The following ARHGAP31 variants were observed in gnomAD, a reference collection of about 807,000 sequenced individuals.
ARHGAP31 encodes the protein rho GTPase-activating protein 31.
ARHGAP31 carries 34 observed loss-of-function variants against 113.9 expected under a neutral mutation model. The ratio of observed to expected loss-of-function variants is 0.30; its 90% confidence interval spans 0.23 to 0.40. The LOEUF (loss-of-function observed/expected upper bound fraction) is 0.40, where lower values mean the gene tolerates loss of function less well. Ranked by LOEUF, ARHGAP31 falls within the 10% of genes least tolerant of loss-of-function variation. The pLI is 1.00. For synonymous variants in ARHGAP31, 650 were observed against 684.8 expected (o/e 0.95, Z 0.79); for missense variants, 1,548 against 1,767.1 (o/e 0.88, Z 2.22).
chr3:119,413,421 T>C (rs1414406155), intron 11 of ARHGAP31, among the ~76,000 whole-genome samples: 1 of 152,180 alleles, frequency 6.6e-6, no homozygotes, highest in East Asian at 1.9e-4. Flanking sequence ...AAGACTCTCA[T>C]TCTTGTGTGC....
At chr3:119,313,592 G>A (rs1170109759) in intron 1 of ARHGAP31, among the ~76,000 whole-genome samples, 3 of 152,172 alleles carry the variant, frequency 2.0e-5, no homozygotes, top group Non-Finnish European at 4.4e-5. Flanking sequence ...GAGGGATTTT[G>A]TCTGGTCAAT....
chr3:119,301,632 C>G (rs1188028938), intron 1 of ARHGAP31, among the ~76,000 whole-genome samples: 2 of 135,034 alleles, frequency 1.5e-5, no homozygotes, highest in Non-Finnish European at 3.1e-5. Context: ...TCTCAAACAC[C>G]TGATGGGGAC....
At chr3:119,394,709 C>G (rs1039040220) in intron 8 of ARHGAP31, among the ~76,000 whole-genome samples, 12 of 152,012 alleles carry the variant, frequency 7.9e-5, no homozygotes, top group Admixed American at 7.2e-4. Context: ...AATCCCAACA[C>G]TTTGGGAAGC....
chr3:119,297,067 G>A (rs958963004), intron 1 of ARHGAP31, among the ~76,000 whole-genome samples: 1 of 152,184 alleles, frequency 6.6e-6, no homozygotes, highest in Non-Finnish European at 1.5e-5. Flanking sequence ...AAACGCAACT[G>A]ACCCACTTAA....
At chr3:119,387,193 C>T (rs573469800) in intron 6 of ARHGAP31, among the ~76,000 whole-genome samples, 41 of 152,318 alleles carry the variant, frequency 2.7e-4, no homozygotes, top group African/African-American at 7.9e-4. Flanking sequence ...CGCCTGGTAA[C>T]GGGCGTCTTC....
chr3:119,355,282 T>C (rs1189179855), intron 1 of ARHGAP31, among the ~76,000 whole-genome samples: 1 of 152,210 alleles, frequency 6.6e-6, no homozygotes, highest in East Asian at 1.9e-4. Flanking sequence ...GTTTCATGGG[T>C]TGTCTACAGT....
intron 3 of ARHGAP31, 114 bp downstream of exon 3, chr3:119,368,630 A>C: frequency 7.4e-7 from 1 of 1,347,072 alleles, no homozygotes; most frequent in Admixed American, 1.9e-5. Flanking sequence ...ACATTATCTT[A>C]GCGTGGTGAG....
intron 1 of ARHGAP31, chr3:119,329,723 C>T: frequency 1.1e-6 from 1 of 877,280 alleles, no homozygotes. Flanking sequence ...GGCTCTCAAA[C>T]AGAAGATGCC....
intron 1 of ARHGAP31, among the ~76,000 whole-genome samples, chr3:119,301,347 C>T (rs984268723): frequency 3.9e-5 from 6 of 152,140 alleles, no homozygotes; most frequent in African/African-American, 9.7e-5. Flanking sequence ...GAACAGTCTG[C>T]GGGGTGAGGG....
At chr3:119,312,910 TTCTC>T (rs2079695490) in intron 1 of ARHGAP31, among the ~76,000 whole-genome samples, 1 of 152,224 alleles carries the variant, frequency 6.6e-6, no homozygotes, top group Non-Finnish European at 1.5e-5. Context: ...ACAGAGACCT[TTCTC>T]TGTGTGTTTA....
intron 1 of ARHGAP31, among the ~76,000 whole-genome samples, chr3:119,361,904 T>C (rs2080210347): frequency 6.6e-6 from 1 of 152,226 alleles, no homozygotes; most frequent in Non-Finnish European, 1.5e-5. Context: ...TTCACAGTGA[T>C]TGGGACCATG....
At chr3:119,388,301 A>T (rs2080471411) in intron 6 of ARHGAP31, among the ~76,000 whole-genome samples, 1 of 62,560 alleles carries the variant, frequency 1.6e-5, no homozygotes, top group Non-Finnish European at 3.3e-5. Flanking sequence ...ATGTATATGT[A>T]TAATTTTTAT....
chr3:119,367,715 G>A lies in ARHGAP31; in HGVS notation c.204-657G>A, dbSNP rs1045725653. Among the ~76,000 whole-genome samples the A allele has an allele frequency of 4.9e-4, 75 of 152,108 alleles. 1 individual carries two copies. The highest frequency in any genetic ancestry group is 9.9e-4 in the African/African-American group (41 of 41,518). ...GCACTAAAAATACAAAAAATTAGCC[G>A]GGTATGGTGGCGGGCGCCTGTAGTC... is the stretch of plus-strand genomic sequence containing the variant. On this transcript the variant is annotated intron_variant, in intron 2 of 11. Transcript: ENST00000264245.
In ARHGAP31 at chr3:119,322,915, T is replaced by C. The variant is rs574514532; in HGVS notation, c.100+27911T>C. Among the ~76,000 whole-genome samples, 11 of 152,096 alleles carry C rather than the reference T, an allele frequency of 7.2e-5. No homozygotes were observed. The South Asian group carries it at 1.0e-3, about 14-fold the overall frequency. ...TGCCCTCTGCTGGGCTCCTTCCACG[T>C]CCTTGTCCCTCCTGAACTCCCGTTC... is the stretch of plus-strand genomic sequence containing the variant. On this transcript the variant is annotated intron_variant, in intron 1 of 11. Coordinates refer to ENST00000264245, the MANE Select transcript of ARHGAP31 (RefSeq NM_020754.4).
chr3:119,407,491 T>C (rs2080674631), intron 10 of ARHGAP31, among the ~76,000 whole-genome samples: 1 of 152,194 alleles, frequency 6.6e-6, no homozygotes, highest in Non-Finnish European at 1.5e-5. Context: ...CTGTATCACA[T>C]AGTGTATTTT....
intron 1 of ARHGAP31, among the ~76,000 whole-genome samples, chr3:119,308,564 T>G (rs1006559606): frequency 4.6e-5 from 7 of 152,206 alleles, no homozygotes; most frequent in Non-Finnish European, 7.3e-5. Flanking sequence ...TGGGAAAGCT[T>G]CTCTGCTTTC....
chr3:119,389,127 G>A (rs1191062917), intron 6 of ARHGAP31, among the ~76,000 whole-genome samples: 1 of 152,092 alleles, frequency 6.6e-6, no homozygotes, highest in Non-Finnish European at 1.5e-5. Context: ...CACCACTGCA[G>A]TCCAGCCTGG....
At chr3:119,299,523 C>G (rs2079562025) in intron 1 of ARHGAP31, among the ~76,000 whole-genome samples, 1 of 152,016 alleles carries the variant, frequency 6.6e-6, no homozygotes, top group Non-Finnish European at 1.5e-5. Flanking sequence ...TGAGAGTAAG[C>G]CCTGGTATTT....
intron 8 of ARHGAP31, among the ~76,000 whole-genome samples, chr3:119,396,950 T>C (rs117157394): frequency 6.6e-6 from 1 of 152,234 alleles, no homozygotes; most frequent in East Asian, 1.9e-4. Flanking sequence ...AAAGAAGAGT[T>C]CAGAGAACCC....
Sources: gnomAD v4.1 joint callset for allele counts (sites outside exome capture counted in the v4.1 genomes callset) on GRCh38, gnomAD v4.1.1 for gene constraint, MANE v1.5 for transcripts, NCBI Gene and HGNC (gene_info 2026-07-23, HGNC 2026-07-21) for gene names.